BTBD10: variants seen among roughly 807,000 people sequenced by gnomAD.
The protein encoded by BTBD10 is BTB/POZ domain-containing protein 10.
BTBD10 carries 21 observed loss-of-function variants against 53.2 expected under a neutral mutation model. The ratio of observed to expected loss-of-function variants is 0.39; its 90% CI spans 0.28 to 0.57. The LOEUF is 0.57. Among genes scored for constraint, BTBD10 ranks in the 20% least tolerant of loss-of-function variants. BTBD10 has a pLI of 0.53. For synonymous variants in BTBD10, 149 were observed against 192.7 expected, an observed-to-expected ratio of 0.77 and a Z score of 1.88; for missense variants, 360 against 594.7, an observed-to-expected ratio of 0.61 and a Z score of 4.10.
At chr11:13,392,650 T>C (rs1949438274) in intron 8 of BTBD10, among the ~76,000 whole-genome samples, 1 of 151,950 alleles carries the variant, frequency 6.6e-6, no homozygotes, top group Non-Finnish European at 1.5e-5. Flanking sequence ...AAATGAGAGG[T>C]TCTGTATATA....
intron 8 of BTBD10, among the ~76,000 whole-genome samples, 195 bp from the exon 9 acceptor site, chr11:13,389,336 T>A (rs940262306): frequency 1.3e-5 from 2 of 151,496 alleles, no homozygotes; most frequent in Non-Finnish European, 3.0e-5. Flanking sequence ...TCATAAAATC[T>A]TCTATCATTC....
At chr11:13,389,615 G>C (rs1433591967) in intron 8 of BTBD10, among the ~76,000 whole-genome samples, 1 of 151,736 alleles carries the variant, frequency 6.6e-6, no homozygotes, top group Admixed American at 6.6e-5. Flanking sequence ...TTTAGTAGAG[G>C]GGGGGTTTCA....
At chr11:13,453,782 G>A (rs746457489) in intron 1 of BTBD10, among the ~76,000 whole-genome samples, 2 of 152,030 alleles carry the variant, frequency 1.3e-5, no homozygotes, top group Non-Finnish European at 2.9e-5. Context: ...GGCTGGGTGC[G>A]GTGGCTCACA....
intron 8 of BTBD10, among the ~76,000 whole-genome samples, chr11:13,400,481 C>G (rs943431254): frequency 2.0e-5 from 3 of 152,224 alleles, no homozygotes; most frequent in Non-Finnish European, 4.4e-5. Context: ...AATTCCCTGA[C>G]CCCTTGTGCT....
chr11:13,460,455 T>C (rs1951071011), intron 1 of BTBD10, among the ~76,000 whole-genome samples: 1 of 152,168 alleles, frequency 6.6e-6, no homozygotes, highest in Admixed American at 6.5e-5. Flanking sequence ...CAACTAGGTA[T>C]GAATCAGATT....
At chr11:13,403,523 A>C (rs1949754949) in intron 7 of BTBD10, among the ~76,000 whole-genome samples, 1 of 37,616 alleles carries the variant, frequency 2.7e-5, no homozygotes, top group Non-Finnish European at 5.0e-5. Flanking sequence ...AATCCATAGG[A>C]AGAATCTCCT....
chr11:13,433,863 T>A (rs1241227006), intron 2 of BTBD10, among the ~76,000 whole-genome samples: 1 of 152,188 alleles, frequency 6.6e-6, no homozygotes, highest in Admixed American at 6.5e-5. Flanking sequence ...AACTTCTAAA[T>A]AGATTTAATA....
intron 1 of BTBD10, among the ~76,000 whole-genome samples, chr11:13,457,070 G>A (rs1002368372): frequency 6.6e-6 from 1 of 152,110 alleles, no homozygotes; most frequent in African/African-American, 2.4e-5. Context: ...GCTGAGGTGG[G>A]AGGATCACTT....
Position 13,413,604 on chromosome 11 carries a change from A to G in BTBD10, c.734T>C (p.Ile245Thr). 6.2e-7 allele frequency: 1 copy of G among 1,611,870 alleles called. No homozygotes were observed. Among genetic ancestry groups the G allele is most frequent in the Non-Finnish European group, 8.5e-7 (1 of 1,178,510 alleles). The change falls in exon 6 of 9, where the codon ATT becomes ACT. Residue 245 changes from isoleucine to threonine, a missense_variant. Ile to Thr is a moderately conservative substitution (Grantham distance 89). Transcript: ENST00000278174. ...GIIRCPDGIS[I>T]PELREACDYL... is the part of the protein sequence containing the mutation. ...GTCACATGCTTCTCTCAGTTCAGGA[A>G]TAGATATGCCATCAGGACAACGGAT... is the stretch of plus-strand genomic sequence containing the variant.
intron 2 of BTBD10, among the ~76,000 whole-genome samples, chr11:13,427,385 C>A (rs562622133): frequency 6.6e-6 from 1 of 152,178 alleles, no homozygotes; most frequent in East Asian, 1.9e-4. Flanking sequence ...AGAATATCAC[C>A]AATGTATTTC....
intron 2 of BTBD10, among the ~76,000 whole-genome samples, chr11:13,434,211 A>T (rs2134005433): frequency 6.6e-6 from 1 of 152,334 alleles, no homozygotes; most frequent in South Asian, 2.1e-4. Context: ...CAGCAGCAGC[A>T]GCAGCGCCTA....
At chr11:13,432,577 T>C (rs1214827869) in intron 2 of BTBD10, among the ~76,000 whole-genome samples, 1 of 151,842 alleles carries the variant, frequency 6.6e-6, no homozygotes, top group Non-Finnish European at 1.5e-5. Context: ...CATTGAATTA[T>C]ATAACAAAAG....
intron 1 of BTBD10, among the ~76,000 whole-genome samples, chr11:13,452,278 C>G (rs1591172894): frequency 6.6e-6 from 1 of 152,046 alleles, no homozygotes; most frequent in South Asian, 2.1e-4. Flanking sequence ...ACTATAAAGA[C>G]AGAGAACAGA....
intron 2 of BTBD10, among the ~76,000 whole-genome samples, chr11:13,431,297 C>T (rs1950444473): frequency 6.6e-6 from 1 of 152,066 alleles, no homozygotes; most frequent in South Asian, 2.1e-4. Context: ...CATCTACCAT[C>T]ACCAACTGAT....
chr11:13,457,860 T>C (rs959320719), intron 1 of BTBD10, among the ~76,000 whole-genome samples: 3 of 152,244 alleles, frequency 2.0e-5, no homozygotes, highest in Non-Finnish European at 4.4e-5. Context: ...CATGGGATTA[T>C]GGTACCATTT....
intron 8 of BTBD10, among the ~76,000 whole-genome samples, chr11:13,389,615 G>T (rs1433591967): frequency 1.3e-5 from 2 of 151,736 alleles, no homozygotes; most frequent in African/African-American, 2.4e-5. Context: ...TTTAGTAGAG[G>T]GGGGGTTTCA....
chr11:13,441,114 TA>T (rs1487382421), intron 2 of BTBD10, among the ~76,000 whole-genome samples: 1 of 152,184 alleles, frequency 6.6e-6, no homozygotes, highest in African/African-American at 2.4e-5. Flanking sequence ...CAGTAATTTT[TA>T]AACTAATTTT....
chr11:13,446,799 AG>A, intron 1 of BTBD10, among the ~76,000 whole-genome samples: 1 of 152,294 alleles, frequency 6.6e-6, no homozygotes, highest in Middle Eastern at 3.4e-3. Context: ...TCTGAATTTT[AG>A]ATTATAAAAA....
At chr11:13,397,597 T>G (rs1289839804) in intron 8 of BTBD10, among the ~76,000 whole-genome samples, 2 of 152,338 alleles carry the variant, frequency 1.3e-5, no homozygotes, top group Non-Finnish European at 2.9e-5. Flanking sequence ...TTGAATGTGT[T>G]TGCTCTTGCT....
Sources: gnomAD v4.1 joint callset for allele counts (sites outside exome capture counted in the v4.1 genomes callset) on GRCh38, gnomAD v4.1.1 for gene constraint, MANE v1.5 for transcripts, NCBI Gene and HGNC (gene_info 2026-07-23, HGNC 2026-07-21) for gene names.